LAMC1: variants seen among roughly 807,000 people sequenced by gnomAD.
The protein encoded by LAMC1 is laminin subunit gamma-1.
A neutral mutation model predicts 173.6 loss-of-function variants in LAMC1; 38 were observed. The observed-to-expected ratio is 0.22, with a 90% CI of 0.17 to 0.29. The LOEUF is 0.29. Ranked by LOEUF, LAMC1 falls within the 10% of genes least tolerant of loss-of-function variation. LAMC1 has a pLI of 1.00. For synonymous variants in LAMC1, 746 were observed against 749.1 expected, an observed-to-expected ratio of 1.00 and a Z score of 0.07; for missense variants, 1,824 against 2,051.8, an observed-to-expected ratio of 0.89 and a Z score of 2.14.
intron 1 of LAMC1, among the ~76,000 whole-genome samples, chr1:183,052,124 C>T (rs915154658): frequency 3.3e-5 from 5 of 152,262 alleles, no homozygotes; most frequent in Admixed American, 6.5e-5. Context: ...CTCTGCACTG[C>T]GTATCCAAGA....
At chr1:183,106,647 G>C (rs12081076) in intron 2 of LAMC1, among the ~76,000 whole-genome samples, 3,856 of 152,246 alleles carry the variant, frequency 0.025, 152 homozygotes, top group African/African-American at 0.085. Flanking sequence ...TGGAAATGCT[G>C]TCTTTGAGTG....
chr1:183,124,562 C>G (rs1335008561), intron 13 of LAMC1, 69 bp from the exon 14 acceptor site: 2 of 1,561,622 alleles, frequency 1.3e-6, no homozygotes, highest in East Asian at 2.2e-5. Context: ...TTACCTGTAG[C>G]CAGTGGTAAT....
chr1:183,132,304 TA>T, intron 20 of LAMC1, 95 bp from the exon 21 acceptor site: 1 of 761,088 alleles, frequency 1.3e-6, no homozygotes, highest in Non-Finnish European at 2.0e-6. Context: ...ATAATAATAA[TA>T]ATAATAATAA....
intron 4 of LAMC1, among the ~76,000 whole-genome samples, chr1:183,111,425 C>T (rs540213933): frequency 6.6e-6 from 1 of 152,134 alleles, no homozygotes; most frequent in East Asian, 1.9e-4. Flanking sequence ...TTCTTTATCT[C>T]ACTGAAGAGT....
chr1:183,136,707 A>G, intron 25 of LAMC1, 122 bp downstream of exon 25: 1 of 785,004 alleles, frequency 1.3e-6, no homozygotes, highest in Non-Finnish European at 2.0e-6. Context: ...AAATTGTCTT[A>G]AACCATATTT....
intron 1 of LAMC1, among the ~76,000 whole-genome samples, chr1:183,052,480 T>C (rs1315127690): frequency 6.6e-6 from 1 of 152,066 alleles, no homozygotes; most frequent in Non-Finnish European, 1.5e-5. Context: ...ATTACAGGCA[T>C]GCGCCACCAC....
At chr1:183,028,150 TCC>T (rs1653739822) in intron 1 of LAMC1, among the ~76,000 whole-genome samples, 2 of 145,648 alleles carry the variant, frequency 1.4e-5, no homozygotes, top group Non-Finnish European at 3.0e-5. Flanking sequence ...TATAAGGCAT[TCC>T]TCCCCCCCCC....
intron 26 of LAMC1, chr1:183,138,564 G>A (rs2147578): frequency 6.6e-6 from 1 of 151,970 alleles, no homozygotes; most frequent in African/African-American, 2.4e-5. Flanking sequence ...TAGTCCCTCA[G>A]TGTGGGTCAT....
intron 1 of LAMC1, among the ~76,000 whole-genome samples, chr1:183,056,420 G>C (rs4546885): frequency 0.34 from 51,474 of 151,920 alleles, 9,725 homozygotes; most frequent in East Asian, 0.48. Context: ...TTTCTTCCCT[G>C]TATGACCTTA....
chr1:183,112,040 A>G (rs1241902406), intron 4 of LAMC1, among the ~76,000 whole-genome samples: 1 of 152,354 alleles, frequency 6.6e-6, no homozygotes, highest in East Asian at 1.9e-4. Flanking sequence ...CTCCGTCTCA[A>G]AAAACAAAAA....
At chr1:183,055,631 G>A (rs1414466323) in intron 1 of LAMC1, among the ~76,000 whole-genome samples, 10 of 151,926 alleles carry the variant, frequency 6.6e-5, no homozygotes, top group African/African-American at 2.4e-4. Context: ...GGCCAACATG[G>A]TGAAACCCCA....
intron 1 of LAMC1, among the ~76,000 whole-genome samples, chr1:183,033,681 CT>C (rs574191195): frequency 1.2e-3 from 186 of 152,164 alleles, no homozygotes; most frequent in African/African-American, 4.2e-3. Context: ...AATCATGTGG[CT>C]TTCTTGGAGA....
In LAMC1 at chr1:183,087,384, C is replaced by T. The variant is rs137993573; in HGVS notation, c.419-15944C>T. 4.9e-4 allele frequency among the ~76,000 whole-genome samples: 75 copies of T among 152,132 alleles called. 1 individual carries two copies. The South Asian group carries it at 8.9e-3, about 18-fold the overall frequency. On this transcript the variant is annotated intron_variant, in intron 1 of 27. Coordinates refer to ENST00000258341, the MANE Select transcript of LAMC1 (RefSeq NM_002293.4). ...ATAAAGAGATAGCTGGGGATGAGTC[C>T]GGGCCCTCAAAATCTTACGTTCTTA...
chr1:183,106,856 C>G (rs1000559809), intron 2 of LAMC1, among the ~76,000 whole-genome samples: 4 of 152,028 alleles, frequency 2.6e-5, no homozygotes, highest in Non-Finnish European at 5.9e-5. Context: ...GAGGGTGAGT[C>G]CCTGTGCACA....
In LAMC1 at chr1:183,040,043, ACT is replaced by A. The variant is rs372704418; in HGVS notation, c.418+15912_418+15913del. 2.2e-4 allele frequency among the ~76,000 whole-genome samples: 33 copies of A among 152,020 alleles called. 1 individual carries two copies. The East Asian group carries it at 6.4e-3, about 29-fold the overall frequency. ...TGGTGAGGGTGGTGTTGGAGGTGAG[ACT>A]CTGAATGTAACTAGATTCGGACTTC... is the stretch of plus-strand genomic sequence containing the variant. On this transcript the variant is annotated intron_variant, in intron 1 of 27. Transcript: ENST00000258341.
intron 2 of LAMC1, among the ~76,000 whole-genome samples, chr1:183,104,465 T>C (rs1655914757): frequency 6.6e-6 from 1 of 152,242 alleles, no homozygotes; most frequent in Admixed American, 6.5e-5. Context: ...GAGATGCTGC[T>C]GCATGTGGCT....
intron 1 of LAMC1, among the ~76,000 whole-genome samples, chr1:183,040,997 G>C (rs1654116916): frequency 6.6e-6 from 1 of 152,278 alleles, no homozygotes; most frequent in African/African-American, 2.4e-5. Context: ...TCTGGTGACC[G>C]TGAAGATTCC....
At chr1:183,061,960 A>T (rs955352005) in intron 1 of LAMC1, among the ~76,000 whole-genome samples, 1 of 152,228 alleles carries the variant, frequency 6.6e-6, no homozygotes, top group Non-Finnish European at 1.5e-5. Flanking sequence ...AAGGAAGCCT[A>T]TGTCTTTTTC....
In LAMC1 at chr1:183,143,878, T is replaced by G. The variant is rs1221529144; in HGVS notation, c.*1088T>G. ...AGACATTTGACCCTTAGCTCCAGTT[T>G]TCTTCTGATGTTTCCATCTTCCAGA... On this transcript the variant is annotated 3_prime_UTR_variant, in exon 28 of 28. Coordinates refer to ENST00000258341, the MANE Select transcript of LAMC1 (RefSeq NM_002293.4). The G allele has an allele frequency of 2.6e-5, 4 of 152,226 alleles. No homozygotes were observed. Among genetic ancestry groups the G allele is most frequent in the African/African-American group, 9.6e-5 (4 of 41,454 alleles). The allele number at this position is 152,226 out of a possible 1,614,324, so 9.4% of individuals were successfully genotyped here. A position where few individuals can be genotyped will look rare whatever the true frequency, so the allele number is the denominator to read the frequency against.
Sources: allele counts gnomAD v4.1 joint callset (sites outside exome capture counted in the v4.1 genomes callset), GRCh38; gene constraint gnomAD v4.1.1; transcripts MANE v1.5; gene names NCBI Gene and HGNC (gene_info 2026-07-23, HGNC 2026-07-21).